Variants in ST7L observed in about 807,000 individuals in gnomAD.
ST7L encodes the protein suppression of tumorigenicity 7 like.
Under a neutral mutation model 72.5 loss-of-function variants are expected in ST7L, and 57 were observed. The ratio of observed to expected loss-of-function variants is 0.79; its 90% CI spans 0.64 to 0.98. The LOEUF is 0.98. Among genes scored for constraint, ST7L ranks in the 50% least tolerant of loss-of-function variants. The pLI is 0.00. For synonymous variants in ST7L, 221 were observed against 240.9 expected (o/e 0.92, Z 0.77); for missense variants, 576 against 672.2 (o/e 0.86, Z 1.58).
downstream of ST7L, chr1:112,523,130 A>G (rs1341922136): frequency 1.3e-5 from 2 of 152,232 alleles, no homozygotes; most frequent in Non-Finnish European, 2.9e-5. Context: ...TAGGACGTCA[A>G]CCTGACTTAA....
upstream of ST7L, chr1:112,619,483 C>A (rs1052583206): frequency 1.9e-6 from 1 of 526,840 alleles, no homozygotes; most frequent in Non-Finnish European, 3.3e-6. Context: ...ATTCGGCTGT[C>A]GTGGAGATAA....
chr1:112,528,229 C>G (rs1025476248), intron 14 of ST7L: 1 of 152,110 alleles, frequency 6.6e-6, no homozygotes, highest in Non-Finnish European at 1.5e-5. Context: ...ATAGAGGGAA[C>G]TGGTATGTGC....
At chr1:112,533,260 T>C (rs919108833) in intron 14 of ST7L, among the ~76,000 whole-genome samples, 4 of 152,136 alleles carry the variant, frequency 2.6e-5, no homozygotes, top group Non-Finnish European at 4.4e-5. Flanking sequence ...AGTAGCTAAC[T>C]AGCAAGAGGA....
intron 10 of ST7L, 95 bp downstream of exon 10, chr1:112,578,250 G>T: frequency 8.4e-7 from 1 of 1,188,150 alleles, no homozygotes; most frequent in Non-Finnish European, 1.3e-6. Context: ...GAAGGAAGTA[G>T]AGTGGAAAAC....
chr1:112,552,474 G>C (rs562624818), intron 12 of ST7L, among the ~76,000 whole-genome samples: 2 of 151,972 alleles, frequency 1.3e-5, no homozygotes, highest in Non-Finnish European at 2.9e-5. Flanking sequence ...GTGCGATCTC[G>C]GCTCACCACA....
chr1:112,556,966 C>CAAAAAAACAAAAAAAAAAAAAAAAAA (rs1659235051), intron 11 of ST7L, among the ~76,000 whole-genome samples: 1 of 49,526 alleles, frequency 2.0e-5, no homozygotes, highest in Non-Finnish European at 4.1e-5. Context: ...GACTCTGTCT[C>CAAAAAAACAAAAAAAAAAAAAAAAAA]AAAAAAAAAA....
rs1432144960 is a variant in ST7L, at chr1:112,619,091, C to T, written c.23G>A (p.Gly8Asp). 2.5e-6 allele frequency: 4 copies of T among 1,613,222 alleles called. No individual in the cohort carries two copies. Among genetic ancestry groups the T allele is most frequent in the African/African-American group, 1.3e-5 (1 of 74,922 alleles). Residue 8 changes from glycine to aspartate, a missense_variant, in exon 1 of 15, where the codon GGT becomes GAT. Coordinates refer to ENST00000358039, the MANE Select transcript of ST7L (RefSeq NM_017744.5). ...AGACGCTCCAACAGCTGCGGCTTCA[C>T]CCACGCCGCCACGGTCCGCCATCTT... MADRGGV[G>D]EAAAVGASPA...
chr1:112,613,137 A>G (rs1290722339), intron 2 of ST7L, among the ~76,000 whole-genome samples: 1 of 151,982 alleles, frequency 6.6e-6, no homozygotes, highest in Non-Finnish European at 1.5e-5. Context: ...AAAAGAGAAG[A>G]TAAGTACCAT....
At chr1:112,558,818 T>A (rs996864651) in intron 11 of ST7L, among the ~76,000 whole-genome samples, 4 of 152,144 alleles carry the variant, frequency 2.6e-5, no homozygotes, top group Non-Finnish European at 5.9e-5. Flanking sequence ...CCATTTTTTT[T>A]AAAACACAGT....
At chr1:112,606,037 C>T (rs1668187462) in intron 3 of ST7L, among the ~76,000 whole-genome samples, 1 of 152,216 alleles carries the variant, frequency 6.6e-6, no homozygotes, top group Admixed American at 6.5e-5. Context: ...CCCACCTTCC[C>T]TGTCCCTTTT....
intron 11 of ST7L, among the ~76,000 whole-genome samples, chr1:112,570,403 G>A (rs1661868681): frequency 6.6e-6 from 1 of 152,026 alleles, no homozygotes; most frequent in African/African-American, 2.4e-5. Flanking sequence ...AAATTGCACA[G>A]CTCTAGACCT....
chr1:112,518,526 A>G (rs1035724984), downstream of ST7L: 4 of 152,128 alleles, frequency 2.6e-5, no homozygotes, highest in Non-Finnish European at 4.4e-5. Flanking sequence ...TAGAAGAAAA[A>G]AACTTGGAGC....
At chr1:112,548,973 A>G (rs894855679) in intron 13 of ST7L, among the ~76,000 whole-genome samples, 3 of 151,512 alleles carry the variant, frequency 2.0e-5, no homozygotes, top group African/African-American at 7.3e-5. Context: ...GCCTTTCCAT[A>G]TACATTTTAG....
rs1670195318 is a variant in ST7L at position 112,618,016 on chromosome 1, T to C, written c.205+893A>G. 3 of 1,304,074 alleles carry C rather than the reference T, an allele frequency of 2.3e-6. No individual in the cohort carries two copies. In the South Asian group the frequency reaches 3.7e-5, roughly 16 times the overall value. The allele number at this position is 1,304,074 out of a possible 1,614,324, so 80.8% of individuals were successfully genotyped here. On this transcript the variant is annotated intron_variant, in intron 1 of 14. Coordinates refer to ENST00000358039, the MANE Select transcript of ST7L (RefSeq NM_017744.5). ...CCGAACATTAACTCACAGTCTTTCA[T>C]GTCATCTCTGAACAGGAAAGGGGAC...
Position 112,563,097 on chromosome 1 carries a change from T to TATAATAATAATA in ST7L, c.1246-7091_1246-7080dup, listed in dbSNP as rs146284524. On this transcript the variant is annotated intron_variant, in intron 11 of 14. Coordinates refer to ENST00000358039, the MANE Select transcript of ST7L (RefSeq NM_017744.5). ...TTTAAAAAGTACCTATTACTTTTGT[T>TATAATAATAATA]ATAATAATAATAATAATAATAATAT... Among the ~76,000 whole-genome samples the TATAATAATAATA allele has an allele frequency of 1.3e-3, 194 of 149,748 alleles. 1 individual carries two copies. The highest frequency in any genetic ancestry group is 4.6e-3 in the African/African-American group (188 of 40,666).
intron 13 of ST7L, among the ~76,000 whole-genome samples, chr1:112,542,644 A>T (rs1656312740): frequency 1.3e-5 from 2 of 151,908 alleles, no homozygotes; most frequent in South Asian, 4.2e-4. Flanking sequence ...AGGTCCAGCT[A>T]CTCTGGAGGA....
At chr1:112,580,301 AC>A (rs796198266) in intron 9 of ST7L, among the ~76,000 whole-genome samples, 20 of 152,312 alleles carry the variant, frequency 1.3e-4, no homozygotes, top group African/African-American at 4.8e-4. Flanking sequence ...GGCGCATGCC[AC>A]CACACCCAGC....
chr1:112,542,842 T>C (rs1471489970), intron 13 of ST7L, among the ~76,000 whole-genome samples: 3 of 151,986 alleles, frequency 2.0e-5, no homozygotes, highest in Non-Finnish European at 2.9e-5. Context: ...CTCTGTTGCC[T>C]AGGCTGGAGT....
intron 2 of ST7L, among the ~76,000 whole-genome samples, chr1:112,616,394 C>T (rs1055707604): frequency 6.6e-6 from 1 of 152,100 alleles, no homozygotes; most frequent in African/African-American, 2.4e-5. Flanking sequence ...ATGCTGAATA[C>T]ATTTTGGAAA....
Sources: allele counts gnomAD v4.1 joint callset (sites outside exome capture counted in the v4.1 genomes callset), GRCh38; gene constraint gnomAD v4.1.1; transcripts MANE v1.5; gene names NCBI Gene and HGNC (gene_info 2026-07-23, HGNC 2026-07-21).